TULP4: variants seen among roughly 807,000 people sequenced by gnomAD.
TULP4 encodes TUB like protein 4, also known as tubby-related protein 4.
TULP4 carries 16 observed loss-of-function variants against 129.0 expected under a neutral mutation model. The observed-to-expected ratio is 0.12, with a 90% CI of 0.08 to 0.19. The LOEUF (loss-of-function observed/expected upper bound fraction) is 0.19. Ranked by LOEUF, TULP4 falls within the 10% of genes least tolerant of loss-of-function variation. The pLI is 1.00. For missense variants in TULP4, 1,842 were observed against 2,059.1 expected, an observed-to-expected ratio of 0.89 and a Z score of 2.04; for synonymous variants, 998 against 854.0, an observed-to-expected ratio of 1.17 and a Z score of -2.94.
intron 1 of TULP4, among the ~76,000 whole-genome samples, chr6:158,305,805 C>T (rs1779209081): frequency 6.6e-6 from 1 of 151,974 alleles, no homozygotes. Flanking sequence ...CAAGTTTCTG[C>T]TTTCAATCTG....
intron 7 of TULP4, among the ~76,000 whole-genome samples, chr6:158,480,233 A>G (rs192907920): frequency 6.6e-6 from 1 of 152,328 alleles, no homozygotes; most frequent in African/African-American, 2.4e-5. Flanking sequence ...CCCTCTGATG[A>G]TCAAAGGAGT....
intron 1 of TULP4, among the ~76,000 whole-genome samples, chr6:158,412,120 C>A (rs959734003): frequency 1.3e-5 from 2 of 152,144 alleles, no homozygotes; most frequent in African/African-American, 4.8e-5. Context: ...CTGGAACTTA[C>A]CTGAGAACAA....
intron 5 of TULP4, among the ~76,000 whole-genome samples, chr6:158,453,349 T>C (rs537705697): frequency 7.9e-5 from 12 of 151,490 alleles, no homozygotes; most frequent in Non-Finnish European, 1.6e-4. Flanking sequence ...CCGGGCGTGG[T>C]GGCGGGCGCC....
upstream of TULP4, among the ~76,000 whole-genome samples, chr6:158,278,043 T>C (rs1031563810): frequency 6.6e-6 from 1 of 152,232 alleles, no homozygotes; most frequent in Non-Finnish European, 1.5e-5. Flanking sequence ...TTGGGTTCTC[T>C]CAGCATAGGT....
At chr6:158,263,799 A>G (rs1778395288) in intron 1 of TULP4, among the ~76,000 whole-genome samples, 2 of 151,962 alleles carry the variant, frequency 1.3e-5, no homozygotes. Flanking sequence ...GCGGTGGCTC[A>G]TGCCTGTAAT....
intron 10 of TULP4, among the ~76,000 whole-genome samples, chr6:158,494,193 C>A (rs568743953): frequency 1.3e-5 from 2 of 152,304 alleles, no homozygotes; most frequent in South Asian, 4.1e-4. Flanking sequence ...GGCTGACACA[C>A]CTGGTGTAGA....
chr6:158,474,571 C>T (rs1166687201), intron 6 of TULP4, among the ~76,000 whole-genome samples: 1 of 152,206 alleles, frequency 6.6e-6, no homozygotes, highest in Non-Finnish European at 1.5e-5. Flanking sequence ...TCCCTCTCTT[C>T]AAAAAGACCC....
chr6:158,384,266 G>T (rs1777388506), intron 1 of TULP4, among the ~76,000 whole-genome samples: 1 of 149,882 alleles, frequency 6.7e-6, no homozygotes, highest in Admixed American at 6.7e-5. Context: ...TTGACTTTGT[G>T]TAAGAACCAC....
At chr6:158,327,692 A>G (rs550040859) in intron 1 of TULP4, among the ~76,000 whole-genome samples, 88 of 151,206 alleles carry the variant, frequency 5.8e-4, no homozygotes, top group Middle Eastern at 3.4e-3. Context: ...TTGTCCATGC[A>G]TTAGATCTGC....
rs374017109 is a variant in TULP4 at position 158,449,166 on chromosome 6, C to T, written c.714C>T (p.Ala238=). ...SESDTDSDDY[A]PPQDGPAAYP... is the part of the protein sequence containing the mutation. ...GCGACACGGACTCAGATGACTACGCCCCTCCCCAAGGTACTCATTGGCCCT... is the reference window on the plus strand; with the variant it reads ...GCGACACGGACTCAGATGACTACGCTCCTCCCCAAGGTACTCATTGGCCCT... Residue 238 remains alanine (A), a synonymous_variant, in exon 4 of 14, where the codon GCC becomes GCT. Coordinates refer to ENST00000367097, the MANE Select transcript of TULP4 (RefSeq NM_020245.5). The T allele has an allele frequency of 2.2e-5, 36 of 1,612,318 alleles. No homozygotes were observed. Among genetic ancestry groups the T allele is most frequent in the Non-Finnish European group, 2.7e-5 (32 of 1,179,192 alleles).
intron 8 of TULP4, chr6:158,481,545 G>A: frequency 1.8e-6 from 1 of 541,890 alleles, no homozygotes; most frequent in South Asian, 2.2e-5. Context: ...ACCAGGCAAG[G>A]GGAAGTTGGC....
At chr6:158,435,984 G>A (rs1284939012) in intron 3 of TULP4, among the ~76,000 whole-genome samples, 9 of 151,482 alleles carry the variant, frequency 5.9e-5, no homozygotes, top group Admixed American at 5.9e-4. Flanking sequence ...GCACGATCTC[G>A]GCTCACTGCA....
At position 158,502,239 on chromosome 6, in the gene TULP4, C is replaced by T. The variant is rs200458345; in HGVS notation, c.2576C>T (p.Pro859Leu). ...APPPPLPPPQ[P>L]PVDVCLKKGD... Reference sequence around the variant, plus strand: ...CCGCCCCCTCTGCCGCCCCCACAGCCCCCAGTGGATGTGTGCTTGAAGAAG... The same window carrying T: ...CCGCCCCCTCTGCCGCCCCCACAGCTCCCAGTGGATGTGTGCTTGAAGAAG... The change falls in exon 13 of 14, where the codon CCC becomes CTC. Residue 859 changes from proline to leucine, a missense_variant. Coordinates refer to ENST00000367097, the MANE Select transcript of TULP4 (RefSeq NM_020245.5). 1.6e-5 allele frequency: 26 copies of T among 1,587,826 alleles called. 1 individual carries two copies. In the Admixed American group the frequency reaches 3.7e-4, roughly 23 times the overall value.
In TULP4 at chr6:158,502,379, C is replaced by T. The variant is rs752438455; in HGVS notation, c.2716C>T (p.Arg906Trp). Residue 906 changes from arginine to tryptophan, a missense_variant, in exon 13 of 14, where the codon CGG (arginine) becomes TGG (tryptophan). Physicochemically the swap from Arg to Trp is moderately radical, Grantham distance 101 (BLOSUM62 -3). Around this residue, in one of 5 missense-constraint regions of TULP4, gnomAD observed 1,089 missense variants for 987.1 expected, o/e 1.10. Transcript: ENST00000367097. ...NVEEVCRPRT[R>W]MLCSQNTYTL... ...GGAGGAGGTGTGCCGGCCCCGCACC[C>T]GGATGCTGTGCTCCCAGAACACGTA... 87 of 1,613,706 alleles carry T rather than the reference C, an allele frequency of 5.4e-5. No homozygotes were observed. Among genetic ancestry groups the T allele is most frequent in the Non-Finnish European group, 6.3e-5 (74 of 1,179,974 alleles).
chr6:158,481,532 T>G, intron 8 of TULP4: 1 of 558,230 alleles, frequency 1.8e-6, no homozygotes, highest in East Asian at 3.1e-5. Context: ...GGTGGATAGA[T>G]GAACCAGGCA....
intron 5 of TULP4, among the ~76,000 whole-genome samples, chr6:158,459,453 G>A (rs1360637629): frequency 6.6e-6 from 1 of 151,274 alleles, no homozygotes. Flanking sequence ...AGAAGTCCCT[G>A]AGAGTTTGCT....
chr6:158,308,779 C>T (rs545973784), upstream of TULP4, among the ~76,000 whole-genome samples: 179 of 145,332 alleles, frequency 1.2e-3, no homozygotes, highest in African/African-American at 4.1e-3. Context: ...ACCTCCCTCC[C>T]GGACGGGGCA....
chr6:158,484,540 T>A (rs1780021803), intron 8 of TULP4, among the ~76,000 whole-genome samples: 1 of 152,112 alleles, frequency 6.6e-6, no homozygotes, highest in South Asian at 2.1e-4. Flanking sequence ...AGACCCCTAG[T>A]GTGAAGGTAG....
At chr6:158,234,927 G>A (rs1309122917) in intron 1 of TULP4, among the ~76,000 whole-genome samples, 1 of 152,154 alleles carries the variant, frequency 6.6e-6, no homozygotes, top group African/African-American at 2.4e-5. Context: ...AGTACTTTGG[G>A]AGGCTGGGGC....
Sources: gnomAD v4.1 joint callset for allele counts (sites outside exome capture counted in the v4.1 genomes callset) on GRCh38, gnomAD v4.1.1 for gene constraint, gnomAD v4.1.1 regional missense constraint, MANE v1.5 for transcripts, NCBI Gene and HGNC (gene_info 2026-07-23, HGNC 2026-07-21) for gene names.